Variants in KLHL17 observed in about 807,000 individuals in gnomAD.
KLHL17 encodes the protein kelch-like protein 17.
Under a neutral mutation model 64.6 loss-of-function variants are expected in KLHL17, and 71 were observed. That is an observed-to-expected ratio of 1.10 (90% CI 0.91 to 1.34). The LOEUF (loss-of-function observed/expected upper bound fraction) is 1.34. Among genes scored for constraint, KLHL17 ranks in the 40% most tolerant of loss-of-function variants. The pLI is 0.00. For synonymous variants in KLHL17, 612 were observed against 405.4 expected (o/e 1.51, Z -6.12); for missense variants, 1,140 against 935.0 (o/e 1.22, Z -2.86).
chr1:963,447 C>T lies in KLHL17; in HGVS notation c.1298C>T (p.Ala433Val). 3.7e-6 allele frequency: 6 copies of T among 1,612,636 alleles called. No individual in the cohort carries two copies. Among genetic ancestry groups the T allele is most frequent in the Non-Finnish European group, 5.1e-6 (6 of 1,179,870 alleles). The change falls in exon 8 of 12, where the codon GCC becomes GTC. Residue 433 changes from alanine to valine, a missense_variant. By Grantham distance (64) the Ala-to-Val change is moderately conservative. Coordinates refer to ENST00000338591, the MANE Select transcript of KLHL17 (RefSeq NM_198317.3). ...GTRRSCLGVA[A>V]LHGLLYSAGG... ...AGGCGAAGCTGCCTGGGTGTGGCCG[C>T]CTTGCATGGACTCCTGTACTCGGCC...
Position 965,453 on chromosome 1 carries a change from G to A in KLHL17, c.*262G>A, listed in dbSNP as rs975483396. On this transcript the variant is annotated 3_prime_UTR_variant, in exon 12 of 12. Transcript: ENST00000338591. ...TGGGGGGCGCGGGGAGTGACCAGGCGGGGGCCTCACCGCCCCAGGGCCGTT... is the reference window on the plus strand; with the variant it reads ...TGGGGGGCGCGGGGAGTGACCAGGCAGGGGCCTCACCGCCCCAGGGCCGTT... 47 of 541,268 alleles carry A rather than the reference G, an allele frequency of 8.7e-5. No homozygotes were observed. Among genetic ancestry groups the A allele is most frequent in the South Asian group, 2.8e-4 (12 of 42,180 alleles). 33.5% of individuals were successfully genotyped at this position (541,268 alleles called of 1,614,324 possible). A position where few individuals can be genotyped will look rare whatever the true frequency, so the allele number is the denominator to read the frequency against.
Position 965,139 on chromosome 1 carries a change from A to G in KLHL17, c.1877A>G (p.Asn626Ser), listed in dbSNP as rs140019196. The change falls in exon 12 of 12, where the codon AAT becomes AGT. Residue 626 changes from asparagine to serine, a missense_variant. Asn to Ser is a conservative substitution (Grantham distance 46). Coordinates refer to ENST00000338591, the MANE Select transcript of KLHL17 (RefSeq NM_198317.3). Reference protein sequence around the residue: ...SVGVAVLELLNFPPPSSPTLS... With the variant: ...SVGVAVLELLSFPPPSSPTLS... The stretch of plus-strand genomic sequence containing the variant: ...GGTGTGGCGGTGCTGGAGCTGCTCA[A>G]TTTCCCGCCGCCATCCTCCCCGACG... 8.8e-5 allele frequency: 142 copies of G among 1,612,124 alleles called. No homozygotes were observed. In the African/African-American group the frequency reaches 1.2e-3, roughly 14 times the overall value.
At chr1:963,053 G>A in intron 6 of KLHL17, 56 bp from the exon 7 acceptor site, 1 of 1,591,564 alleles carries the variant, frequency 6.3e-7, no homozygotes, top group Non-Finnish European at 8.6e-7. Flanking sequence ...GGAGCCTGGG[G>A]TGTGGCCCAG....
rs1274569843 is a variant in KLHL17 at position 964,535 on chromosome 1, G to A, written c.1700+5G>A. ...GGCGCCCATGAATATCCGCAGGTCC[G>A]CAGTGGGGCTGCGGGGAGGGGGGCG... On this transcript the variant is annotated splice_donor_5th_base_variant and intron_variant, in intron 11 of 11. Transcript: ENST00000338591. The A allele has an allele frequency of 2.3e-5, 35 of 1,494,484 alleles. 2 individuals are homozygous for A. Among genetic ancestry groups the A allele is most frequent in the East Asian group, 1.2e-4 (5 of 40,306 alleles). The allele number at this position is 1,494,484 out of a possible 1,614,324, so 92.6% of individuals were successfully genotyped here. A position where few individuals can be genotyped will look rare whatever the true frequency, so the allele number is the denominator to read the frequency against.
In KLHL17 at chr1:960,662, C is replaced by A; in HGVS notation, c.-32C>A. 10 of 1,354,576 alleles carry A rather than the reference C, an allele frequency of 7.4e-6. No individual in the cohort carries two copies. Among genetic ancestry groups the A allele is most frequent in the Non-Finnish European group, 9.5e-6 (10 of 1,048,048 alleles). 83.9% of individuals were successfully genotyped at this position (1,354,576 alleles called of 1,614,324 possible). A position where few individuals can be genotyped will look rare whatever the true frequency, so the allele number is the denominator to read the frequency against. ...TCCGCGTCCGTTAAGCCCGCGGGTC[C>A]TCCGCGAATCGGCGGTGGGTCCGGC... On this transcript the variant is annotated 5_prime_UTR_variant, in exon 1 of 12. Coordinates refer to ENST00000338591, the MANE Select transcript of KLHL17 (RefSeq NM_198317.3).
rs533699267 is a variant in KLHL17 at position 964,974 on chromosome 1, A to G, written c.1712A>G (p.Asp571Gly). Residue 571 changes from aspartate (D) to glycine (G), a missense_variant, in exon 12 of 12, where the codon GAC (aspartate) becomes GGC (glycine). By Grantham distance (94) the Asp-to-Gly change is moderately conservative. Transcript: ENST00000338591. ...APMNIRRSTH[D>G]LVAMDGWLYA... is the part of the protein sequence containing the mutation. ...CGCCTTCCCCCCAGGAGCACGCATG[A>G]CCTGGTGGCCATGGACGGATGGTTG... is the stretch of plus-strand genomic sequence containing the variant. 6.2e-7 allele frequency: 1 copy of G among 1,607,582 alleles called. No individual in the cohort carries two copies. The highest frequency in any genetic ancestry group is 1.3e-5 in the African/African-American group (1 of 74,798).
In KLHL17 at chr1:965,284, T is replaced by C. The variant is rs578080720; in HGVS notation, c.*93T>C. On this transcript the variant is annotated 3_prime_UTR_variant, in exon 12 of 12. Coordinates refer to ENST00000338591, the MANE Select transcript of KLHL17 (RefSeq NM_198317.3). The stretch of plus-strand genomic sequence containing the variant: ...GTCCTGCGCCATCCGTTCACGTCTC[T>C]GCATCCATTCCTTCATGTCTTTATT... The C allele has an allele frequency of 2.9e-5, 27 of 930,862 alleles. No individual in the cohort carries two copies. In the South Asian group the frequency reaches 4.2e-4, roughly 15 times the overall value. 57.7% of individuals were successfully genotyped at this position (930,862 alleles called of 1,614,324 possible).
intron 8 of KLHL17, chr1:963,705 C>G: frequency 1.2e-6 from 1 of 822,250 alleles, no homozygotes; most frequent in Non-Finnish European, 1.9e-6. Flanking sequence ...GTCCTTACCC[C>G]CAGTCCAGAG....
At position 965,008 on chromosome 1, in the gene KLHL17, G is replaced by A. The variant is rs888445444; in HGVS notation, c.1746G>A (p.Val582=). The A allele has an allele frequency of 2.5e-6, 4 of 1,612,236 alleles. No homozygotes were observed. The highest frequency in any genetic ancestry group is 3.4e-6 in the Non-Finnish European group (4 of 1,179,614). ...CCATGGACGGATGGTTGTACGCCGT[G>A]GGGGGTAACGACGGTAGCTCCAGCC... ...LVAMDGWLYA[V]GGNDGSSSLN... The change falls in exon 12 of 12, where the codon GTG becomes GTA. Residue 582 remains valine (V), a synonymous_variant. Transcript: ENST00000338591.
Position 964,101 on chromosome 1 carries a change from C to T in KLHL17, c.1445-6C>T, listed in dbSNP as rs369448294. 6.4e-5 allele frequency: 103 copies of T among 1,612,576 alleles called. No individual in the cohort carries two copies. The highest frequency in any genetic ancestry group is 2.3e-4 in the Admixed American group (14 of 59,998). ...GGAGTGCCACGGGTGTGTTGACTTC[C>T]GGCAGATGGGAACCTGTATGCTGTG... On this transcript the variant is annotated splice_region_variant and splice_polypyrimidine_tract_variant and intron_variant, in intron 9 of 11. Transcript: ENST00000338591.
chr1:962,230 G>A (rs752702375), intron 4 of KLHL17, 125 bp from the exon 5 acceptor site: 2 of 1,494,606 alleles, frequency 1.3e-6, no homozygotes, highest in Admixed American at 3.8e-5. Context: ...TCCTGACTCT[G>A]CTCGGCCCCT....
chr1:962,072 C>G, intron 4 of KLHL17, 25 bp downstream of exon 4: 2 of 1,581,012 alleles, frequency 1.3e-6, no homozygotes, highest in Non-Finnish European at 1.7e-6. Context: ...GCCCAGCCCT[C>G]GCCCCCCACC....
intron 5 of KLHL17, 67 bp downstream of exon 5, chr1:962,538 G>A: frequency 6.3e-7 from 1 of 1,587,752 alleles, no homozygotes; most frequent in Admixed American, 1.7e-5. Flanking sequence ...AGGGCCTGGT[G>A]CACCCTGACC....
chr1:963,092 C>T lies in KLHL17; in HGVS notation c.1043-17C>T. ...TGGGATCCACTCACGAGTCCCGTCT[C>T]CACCTGCCCTCCCCAGGCGGCGGGA... On this transcript the variant is annotated splice_polypyrimidine_tract_variant and intron_variant, in intron 6 of 11. Transcript: ENST00000338591. The T allele has an allele frequency of 1.9e-6, 3 of 1,609,960 alleles. No homozygotes were observed. The highest frequency in any genetic ancestry group is 2.5e-6 in the Non-Finnish European group (3 of 1,178,748).
In KLHL17 at chr1:962,004, A is replaced by T. The variant is rs755318695; in HGVS notation, c.668A>T (p.Asp223Val). The T allele has an allele frequency of 1.2e-6, 2 of 1,612,832 alleles. No homozygotes were observed. Among genetic ancestry groups the T allele is most frequent in the Non-Finnish European group, 1.7e-6 (2 of 1,179,994 alleles). The change falls in exon 4 of 12, where the codon GAC becomes GTC. Residue 223 changes from aspartate to valine, a missense_variant. Transcript: ENST00000338591. ...AGGTACGTGCTGCAGCACTTCGTGG[A>T]CGTGGCCAAGACCGAGGAGTTTATG... ...AHRYVLQHFV[D>V]VAKTEEFMLL...
At chr1:964,050 C>T in intron 9 of KLHL17, 42 bp downstream of exon 9, 3 of 1,612,496 alleles carry the variant, frequency 1.9e-6, no homozygotes, top group Non-Finnish European at 2.5e-6. Context: ...CCACCTTCCC[C>T]CACCGTGGAG....
Position 965,478 on chromosome 1 carries a change from T to TA in KLHL17, c.*287_*288insA. On this transcript the variant is annotated 3_prime_UTR_variant, in exon 12 of 12. Transcript: ENST00000338591. Reference sequence around the variant, plus strand: ...GGGGGCCTCACCGCCCCAGGGCCGTTGCCTGCTCAGACCTTGCAGGCTGTG... The same window carrying TA: ...GGGGGCCTCACCGCCCCAGGGCCGTTAGCCTGCTCAGACCTTGCAGGCTGTG... 1 of 480,364 alleles carries TA rather than the reference T, an allele frequency of 2.1e-6. No individual in the cohort carries two copies. Among genetic ancestry groups the TA allele is most frequent in the Non-Finnish European group, 3.7e-6 (1 of 270,650 alleles). The allele number at this position is 480,364 out of a possible 1,614,324, so 29.8% of individuals were successfully genotyped here.
chr1:962,308 C>A (rs761806141), intron 4 of KLHL17, 47 bp from the exon 5 acceptor site: 1 of 1,610,224 alleles, frequency 6.2e-7, no homozygotes, highest in Non-Finnish European at 8.5e-7. Context: ...CTCCCTGGGT[C>A]CACAGGACCC....
In KLHL17 at chr1:964,409, G is replaced by A. The variant is rs199893924; in HGVS notation, c.1579G>A (p.Val527Met). 5.5e-4 allele frequency: 862 copies of A among 1,554,644 alleles called. No homozygotes were observed. The highest frequency in any genetic ancestry group is 6.8e-4 in the Non-Finnish European group (784 of 1,149,812). Residue 527 changes from valine (V) to methionine (M), a missense_variant, in exon 11 of 12, where the codon GTG (valine) becomes ATG (methionine). Physicochemically the swap from Val to Met is conservative, Grantham distance 21. Transcript: ENST00000338591. ...CCGACGCAGCTCAGCGGGCGTGGCC[G>A]TGCTGGAGGGTGCCCTGTACGTGGC... ...LSRRSSAGVA[V>M]LEGALYVAGG...
Sources: gnomAD v4.1 joint callset for allele counts on GRCh38, gnomAD v4.1.1 for gene constraint, MANE v1.5 for transcripts, NCBI Gene and HGNC (gene_info 2026-07-23, HGNC 2026-07-21) for gene names.